Variants in SH2D3C observed in about 807,000 individuals in gnomAD.
The protein encoded by SH2D3C is SH2 domain-containing protein 3C.
SH2D3C carries 25 observed loss-of-function variants against 75.2 expected under a neutral mutation model. The ratio of observed to expected loss-of-function variants is 0.33; its 90% CI spans 0.24 to 0.46. The LOEUF (loss-of-function observed/expected upper bound fraction) is 0.46. Among genes scored for constraint, SH2D3C ranks in the 20% least tolerant of loss-of-function variants. SH2D3C has a pLI of 1.00. For synonymous variants in SH2D3C, 450 were observed against 473.7 expected, an observed-to-expected ratio of 0.95 and a Z score of 0.65; for missense variants, 933 against 1,165.3, an observed-to-expected ratio of 0.80 and a Z score of 2.90.
chr9:127,747,184 G>C lies in SH2D3C; in HGVS notation c.1227C>G (p.Pro409=). Residue 409 remains proline, a synonymous_variant, in exon 6 of 12, where the codon CCC becomes CCG. Transcript: ENST00000314830. ...CAGGGGAGCTAGGGCTCTCGGAGAT[G>C]GGCGACATGGGTGAGTGCAGGTCTG... The part of the protein sequence containing the change: ...QIPDLHSPMS[P]ISESPSSPAY... The C allele has an allele frequency of 1.2e-6, 2 of 1,614,010 alleles. No individual in the cohort carries two copies. Among genetic ancestry groups the C allele is most frequent in the Non-Finnish European group, 1.7e-6 (2 of 1,179,982 alleles).
At chr9:127,753,103 G>C (rs1273784089) in intron 3 of SH2D3C, among the ~76,000 whole-genome samples, 1 of 152,092 alleles carries the variant, frequency 6.6e-6, no homozygotes, top group African/African-American at 2.4e-5. Flanking sequence ...GCAGGGGCAG[G>C]TGTGGCACGG....
At chr9:127,747,810 G>C (rs1845078807) in intron 5 of SH2D3C, among the ~76,000 whole-genome samples, 1 of 152,138 alleles carries the variant, frequency 6.6e-6, no homozygotes, top group African/African-American at 2.4e-5. Flanking sequence ...AAAGTGCTGG[G>C]ATTACAGGCA....
chr9:127,767,205 G>A, intron 2 of SH2D3C: 1 of 1,527,308 alleles, frequency 6.5e-7, no homozygotes, highest in Non-Finnish European at 8.8e-7. Context: ...GGCAGAGCAG[G>A]GGCCATTCTT....
intron 6 of SH2D3C, among the ~76,000 whole-genome samples, chr9:127,745,901 T>C (rs962440498): frequency 2.6e-5 from 4 of 152,216 alleles, no homozygotes; most frequent in African/African-American, 7.2e-5. Flanking sequence ...AGGCGATATT[T>C]ACTAAGCTCT....
At chr9:127,771,978 T>G (rs1297833630) in intron 2 of SH2D3C, among the ~76,000 whole-genome samples, 1 of 152,182 alleles carries the variant, frequency 6.6e-6, no homozygotes, top group Non-Finnish European at 1.5e-5. Flanking sequence ...TTACGTCCAT[T>G]TATCAGATGA....
chr9:127,755,302 G>C, intron 3 of SH2D3C: 1 of 1,089,238 alleles, frequency 9.2e-7, no homozygotes, highest in African/African-American at 1.7e-5. Context: ...GGGGAGGAGC[G>C]GGGAGGCGGG....
Position 127,754,429 on chromosome 9 carries a change from A to G in SH2D3C, c.556-3129T>C, listed in dbSNP as rs1483666147. On this transcript the variant is annotated intron_variant, in intron 3 of 11. Coordinates refer to ENST00000314830, the MANE Select transcript of SH2D3C (RefSeq NM_170600.3). The surrounding 1 kb of genome is among the most constrained non-coding windows in gnomAD (Gnocchi z 4.4). Reference sequence around the variant, plus strand: ...AGCTCCCCTCGGCGTCCCAACCCCAAGCAAAGCCATCCCCAAAGGATGCTC... The same window carrying G: ...AGCTCCCCTCGGCGTCCCAACCCCAGGCAAAGCCATCCCCAAAGGATGCTC... 6.6e-6 allele frequency among the ~76,000 whole-genome samples: 1 copy of G among 152,010 alleles called. No homozygotes were observed. Among genetic ancestry groups the G allele is most frequent in the Non-Finnish European group, 1.5e-5 (1 of 67,968 alleles).
At chr9:127,761,391 A>T (rs181341914) in intron 3 of SH2D3C, among the ~76,000 whole-genome samples, 1 of 152,144 alleles carries the variant, frequency 6.6e-6, no homozygotes, top group Non-Finnish European at 1.5e-5. Context: ...GGTTGCCCTG[A>T]GTTTGGGGCC....
rs1309013908 is a variant in SH2D3C at position 127,739,160 on chromosome 9, T to C, written c.2408-239A>G. Among the ~76,000 whole-genome samples, 1 of 151,724 alleles carries C rather than the reference T, an allele frequency of 6.6e-6. No homozygotes were observed. Among genetic ancestry groups the C allele is most frequent in the Non-Finnish European group, 1.5e-5 (1 of 67,944 alleles). On this transcript the variant is annotated intron_variant, in intron 11 of 11. Coordinates refer to ENST00000314830, the MANE Select transcript of SH2D3C (RefSeq NM_170600.3). The surrounding 1 kb of genome is among the most constrained non-coding windows in gnomAD (Gnocchi z 4.3). ...AATATGTTTGCAGATTTTTGGTGAT[T>C]TTTTTTCTTTTTTCGTATTTTTCTG... is the stretch of plus-strand genomic sequence containing the variant.
rs923140999 is a variant in SH2D3C, at chr9:127,754,240, C to A, written c.556-2940G>T. Among the ~76,000 whole-genome samples, 6 of 152,142 alleles carry A rather than the reference C, an allele frequency of 3.9e-5. No individual in the cohort carries two copies. Among genetic ancestry groups the A allele is most frequent in the Admixed American group, 6.5e-5 (1 of 15,282 alleles). ...GTGCGGGGATGCTGCGCTCCGCCGC[C>A]GGCGGGGCAGTCCTTCAGGCGGGCT... On this transcript the variant is annotated intron_variant, in intron 3 of 11. Coordinates refer to ENST00000314830, the MANE Select transcript of SH2D3C (RefSeq NM_170600.3). The surrounding 1 kb of genome is among the most constrained non-coding windows in gnomAD (Gnocchi z 4.4).
rs757655035 is a variant in SH2D3C, at chr9:127,742,884, G to C, written c.1881C>G (p.Pro627=). 1.2e-5 allele frequency: 20 copies of C among 1,613,770 alleles called. No individual in the cohort carries two copies. Among genetic ancestry groups the C allele is most frequent in the Admixed American group, 3.3e-5 (2 of 59,988 alleles). ...GGTCTAGGCGTAGCTGCCGGCCATGGGGGAGGGTGAGCAGTTCCATGCCCC... is the reference window on the plus strand; with the variant it reads ...GGTCTAGGCGTAGCTGCCGGCCATGCGGGAGGGTGAGCAGTTCCATGCCCC... The part of the protein sequence containing the change: ...VRWGMELLTL[P]HGRQLRLDLL... Residue 627 remains proline, a synonymous_variant, in exon 8 of 12, where the codon CCC becomes CCG. Transcript: ENST00000314830.
At chr9:127,775,982 C>T (rs1002223359) in intron 1 of SH2D3C, among the ~76,000 whole-genome samples, 2 of 152,010 alleles carry the variant, frequency 1.3e-5, no homozygotes, top group African/African-American at 4.8e-5. Context: ...GCACGTGCCA[C>T]CACGCCCAAC....
rs749089024 is a variant in SH2D3C, at chr9:127,767,038, AG to A, written c.516-5389del. ...GGGCCTGTGGGATTCCCTGCCGGGA[AG>A]GCTCTTGGCTTTGGCCCTGCCCCAC... On this transcript the variant is annotated intron_variant, in intron 2 of 11. Transcript: ENST00000314830. The A allele has an allele frequency of 2.3e-5, 35 of 1,536,180 alleles. No homozygotes were observed. The East Asian group carries it at 7.3e-4, about 32-fold the overall frequency.
chr9:127,764,393 G>A (rs1350485410), intron 2 of SH2D3C, among the ~76,000 whole-genome samples: 1 of 152,146 alleles, frequency 6.6e-6, no homozygotes, highest in Non-Finnish European at 1.5e-5. Flanking sequence ...TGGCTTCCCT[G>A]CCTCCATCTG....
At chr9:127,742,655 A>T in intron 8 of SH2D3C, 194 bp downstream of exon 8, 1 of 535,540 alleles carries the variant, frequency 1.9e-6, no homozygotes, top group East Asian at 3.1e-5. Context: ...GCGGAGATAC[A>T]GGATTCAGTC....
chr9:127,762,150 C>A, intron 2 of SH2D3C: 3 of 1,165,078 alleles, frequency 2.6e-6, no homozygotes, highest in Non-Finnish European at 3.2e-6. Context: ...GTAGAGTGAC[C>A]CAGTCACGGC....
chr9:127,774,222 G>A lies in SH2D3C; in HGVS notation c.283C>T (p.Arg95Trp), dbSNP rs753731308. 1.1e-5 allele frequency: 17 copies of A among 1,613,812 alleles called. No homozygotes were observed. Among genetic ancestry groups the A allele is most frequent in the East Asian group, 8.9e-5 (4 of 44,890 alleles). Reference protein sequence around the residue: ...IKKAQNSQAARQAQEAGPKPN... With the variant: ...IKKAQNSQAAWQAQEAGPKPN... ...TTGGGACCCGCCTCCTGGGCCTGCCGGGCAGCCTGTGAGTTCTGTGCTTTC... is the reference window on the plus strand; with the variant it reads ...TTGGGACCCGCCTCCTGGGCCTGCCAGGCAGCCTGTGAGTTCTGTGCTTTC... The change falls in exon 2 of 12, where the codon CGG becomes TGG. Residue 95 changes from arginine (R) to tryptophan (W), a missense_variant. Transcript: ENST00000314830. This position sits in a 1 kb window ranked among gnomAD's most constrained non-coding sequence, Gnocchi z 4.3.
At chr9:127,771,386 C>G (rs1231910930) in intron 2 of SH2D3C, 4 of 1,331,866 alleles carry the variant, frequency 3.0e-6, no homozygotes, top group Non-Finnish European at 3.8e-6. Flanking sequence ...CGCTCCTTGC[C>G]CGGCCCCACT....
intron 7 of SH2D3C, among the ~76,000 whole-genome samples, 156 bp downstream of exon 7, chr9:127,744,408 T>G (rs1212916406): frequency 6.6e-6 from 1 of 152,068 alleles, no homozygotes; most frequent in Non-Finnish European, 1.5e-5. Flanking sequence ...TGAGGCTAAA[T>G]GACCAGCCCA....
Sources: allele counts gnomAD v4.1 joint callset (sites outside exome capture counted in the v4.1 genomes callset), GRCh38; gene constraint gnomAD v4.1.1; non-coding constraint Gnocchi (gnomAD v3.1); transcripts MANE v1.5; gene names NCBI Gene and HGNC (gene_info 2026-07-23, HGNC 2026-07-21).